Variants in KCNK2 observed in about 807,000 individuals in gnomAD.
KCNK2 encodes the protein potassium channel subfamily K member 2.
KCNK2 carries 21 observed loss-of-function variants against 40.5 expected under a neutral mutation model. That is an observed-to-expected ratio of 0.52 (90% CI 0.37 to 0.75). The LOEUF is 0.75. Among genes scored for constraint, KCNK2 ranks in the 30% least tolerant of loss-of-function variants. The pLI is 0.00. For missense variants in KCNK2, 399 were observed against 531.6 expected (o/e 0.75, Z 2.45); for synonymous variants, 191 against 202.2 (o/e 0.94, Z 0.47).
At chr1:215,012,796 C>G (rs1043936475) in intron 1 of KCNK2, among the ~76,000 whole-genome samples, 1 of 151,838 alleles carries the variant, frequency 6.6e-6, no homozygotes, top group East Asian at 1.9e-4. Flanking sequence ...CTTTATTAGA[C>G]TTGTGATTAT....
chr1:215,148,367 G>A (rs1662531222), intron 3 of KCNK2, among the ~76,000 whole-genome samples: 1 of 151,810 alleles, frequency 6.6e-6, no homozygotes, highest in African/African-American at 2.4e-5. Context: ...GACCCACCAT[G>A]CCTGTACATT....
chr1:215,154,230 A>G (rs534194335), intron 3 of KCNK2, among the ~76,000 whole-genome samples: 4 of 152,148 alleles, frequency 2.6e-5, no homozygotes, highest in Non-Finnish European at 4.4e-5. Flanking sequence ...AAGTGTCCCT[A>G]TTTCTCCTTA....
At chr1:215,103,313 T>C (rs1660301281) in intron 2 of KCNK2, among the ~76,000 whole-genome samples, 1 of 151,994 alleles carries the variant, frequency 6.6e-6, no homozygotes, top group Admixed American at 6.6e-5. Flanking sequence ...ATGGGCTCTT[T>C]GTGGTAGAGC....
rs1380229886 is a variant in KCNK2 at position 215,082,923 on chromosome 1, C to T, written c.-463C>T. On this transcript the variant is annotated 5_prime_UTR_variant, in exon 1 of 7. It adds an upstream start codon to the 5' untranslated region. Transcript: ENST00000444842. ...TCGCGCACAAAGACGCCGGGGCGCA[C>T]GGCAGCTGGGGCTGCACCCACCGCC... Among the ~76,000 whole-genome samples, 1 of 150,698 alleles carries T rather than the reference C, an allele frequency of 6.6e-6. No homozygotes were observed. The highest frequency in any genetic ancestry group is 1.5e-5 in the Non-Finnish European group (1 of 67,674).
chr1:215,234,192 T>C (rs1458774359), intron 6 of KCNK2, among the ~76,000 whole-genome samples: 1 of 152,196 alleles, frequency 6.6e-6, no homozygotes, highest in Non-Finnish European at 1.5e-5. Context: ...TTAACAGTTA[T>C]TATTTATTTG....
chr1:215,014,767 G>A (rs925977786), intron 1 of KCNK2, among the ~76,000 whole-genome samples: 1 of 152,068 alleles, frequency 6.6e-6, no homozygotes, highest in Non-Finnish European at 1.5e-5. Flanking sequence ...GAACTGATAA[G>A]GGTGTGTTCC....
At chr1:215,119,368 G>C (rs566543846) in intron 2 of KCNK2, among the ~76,000 whole-genome samples, 285 of 152,298 alleles carry the variant, frequency 1.9e-3, no homozygotes, top group Non-Finnish European at 3.1e-3. Flanking sequence ...CAAATTCACA[G>C]TGGAACTTTG....
At chr1:215,040,293 G>A (rs1231275797) in intron 1 of KCNK2, among the ~76,000 whole-genome samples, 2 of 152,080 alleles carry the variant, frequency 1.3e-5, no homozygotes, top group African/African-American at 2.4e-5. Context: ...GTGTCCATAA[G>A]ACAAATAATA....
intron 1 of KCNK2, among the ~76,000 whole-genome samples, chr1:215,035,276 T>A (rs1657346003): frequency 6.6e-6 from 1 of 152,140 alleles, no homozygotes; most frequent in African/African-American, 2.4e-5. Context: ...GGTTAATTTT[T>A]ATAAGTTTGC....
At chr1:215,134,860 A>T (rs12068734) in intron 3 of KCNK2, among the ~76,000 whole-genome samples, 4 of 151,670 alleles carry the variant, frequency 2.6e-5, no homozygotes, top group Admixed American at 6.6e-5. Context: ...CAAGGGTTTT[A>T]GGGGGCTCTG....
At chr1:215,122,103 A>AT (rs1046230836) in intron 2 of KCNK2, among the ~76,000 whole-genome samples, 4 of 152,150 alleles carry the variant, frequency 2.6e-5, no homozygotes, top group African/African-American at 7.2e-5. Context: ...AAAGTGAAAT[A>AT]TTTGGGAATA....
Position 215,230,478 on chromosome 1 carries a change from TACACAC to T in KCNK2, c.964-4331_964-4326del, listed in dbSNP as rs1160868753. Among the ~76,000 whole-genome samples, 256 of 85,080 alleles carry T rather than the reference TACACAC, an allele frequency of 3.0e-3. 2 individuals carry two copies. The highest frequency in any genetic ancestry group is 4.2e-3 in the Non-Finnish European group (182 of 42,846). 55.8% of individuals were successfully genotyped at this position (85,080 alleles called of 152,430 possible). A position where few individuals can be genotyped will look rare whatever the true frequency, so the allele number is the denominator to read the frequency against. On this transcript the variant is annotated intron_variant, in intron 6 of 6. Transcript: ENST00000444842. ...TAGCTCATGGCTGTAGATATATATA[TACACAC>T]ACACACACACACACACACGGCTGTA...
chr1:215,048,554 T>A (rs1657868754), intron 1 of KCNK2, among the ~76,000 whole-genome samples: 1 of 152,132 alleles, frequency 6.6e-6, no homozygotes, highest in African/African-American at 2.4e-5. Flanking sequence ...AAACAAAACC[T>A]CTCTCACATT....
chr1:215,007,025 A>ATGTGTG lies in KCNK2; in HGVS notation c.34+1071_34+1072insGTGTGT, dbSNP rs1164769909. 4.9e-3 allele frequency among the ~76,000 whole-genome samples: 157 copies of ATGTGTG among 32,040 alleles called. 1 individual carries two copies. Among genetic ancestry groups the ATGTGTG allele is most frequent in the African/African-American group, 0.011 (153 of 14,274 alleles). The allele number at this position is 32,040 out of a possible 152,430, so 21.0% of individuals were successfully genotyped here. ...TATATATATATATATATATATATAT[A>ATGTGTG]TATATATATATATGTGTGTGTGTGT... On this transcript the variant is annotated intron_variant, in intron 1 of 6. Coordinates refer to the KCNK2 transcript ENST00000391895.
At chr1:215,153,818 A>C (rs532206861) in intron 3 of KCNK2, among the ~76,000 whole-genome samples, 26 of 151,446 alleles carry the variant, frequency 1.7e-4, no homozygotes, top group African/African-American at 5.8e-4. Flanking sequence ...TCACTGTTCA[A>C]CTCCCACTTA....
chr1:215,048,052 C>A (rs1248631757), intron 1 of KCNK2, among the ~76,000 whole-genome samples: 1 of 152,092 alleles, frequency 6.6e-6, no homozygotes, highest in Non-Finnish European at 1.5e-5. Context: ...AATATTATTT[C>A]CAATTAAGTT....
intron 6 of KCNK2, among the ~76,000 whole-genome samples, chr1:215,218,812 G>A (rs189770664): frequency 2.0e-5 from 3 of 152,226 alleles, no homozygotes; most frequent in Admixed American, 1.3e-4. Context: ...ATGCATATCT[G>A]TAAGTTGCAA....
intron 2 of KCNK2, among the ~76,000 whole-genome samples, chr1:215,090,059 C>T (rs1659628223): frequency 6.6e-6 from 1 of 152,056 alleles, no homozygotes; most frequent in Admixed American, 6.6e-5. Context: ...CTCCCGACCT[C>T]AGGTGATCCA....
At chr1:215,078,197 G>A (rs2102520459), upstream of KCNK2, among the ~76,000 whole-genome samples, 1 of 152,172 alleles carries the variant, frequency 6.6e-6, no homozygotes, top group East Asian at 1.9e-4. Context: ...AAGCCATCCT[G>A]GGCTGCATGT....
Sources: gnomAD v4.1 joint callset for allele counts (sites outside exome capture counted in the v4.1 genomes callset) on GRCh38, gnomAD v4.1.1 for gene constraint, MANE v1.5 for transcripts, NCBI Gene and HGNC (gene_info 2026-07-23, HGNC 2026-07-21) for gene names.